The following FER variants were observed in gnomAD, a reference collection of about 807,000 sequenced individuals.
FER encodes the protein FER tyrosine kinase, also known as tyrosine-protein kinase Fer.
In FER, 63 loss-of-function variants were observed where a neutral mutation model predicts 111.0. That is an observed-to-expected ratio of 0.57 (90% CI 0.46 to 0.70). The LOEUF is 0.70. FER is among the 30% of genes least tolerant of loss of function. The pLI is 0.00. For missense variants in FER, 914 were observed against 954.0 expected (o/e 0.96, Z 0.55); for synonymous variants, 327 against 313.9 (o/e 1.04, Z -0.44).
At chr5:109,163,451 A>G (rs1033872935) in intron 17 of FER, among the ~76,000 whole-genome samples, 1 of 152,144 alleles carries the variant, frequency 6.6e-6, no homozygotes, top group Non-Finnish European at 1.5e-5. Flanking sequence ...TAGCTTTATA[A>G]GAAACTACAA....
intron 7 of FER, among the ~76,000 whole-genome samples, chr5:108,871,759 GA>G (rs1764622188): frequency 6.6e-6 from 1 of 150,396 alleles, no homozygotes; most frequent in African/African-American, 2.5e-5. Context: ...TTTAATCCAT[GA>G]AATTTTTTTT....
intron 13 of FER, among the ~76,000 whole-genome samples, chr5:109,005,369 G>A (rs7732787): frequency 0.05 from 6,111 of 121,916 alleles, 400 homozygotes; most frequent in African/African-American, 0.17. Flanking sequence ...AAACTATCCC[G>A]TGTGTGTGTG....
At chr5:109,069,527 G>A (rs776566639) in intron 16 of FER, among the ~76,000 whole-genome samples, 1 of 152,104 alleles carries the variant, frequency 6.6e-6, no homozygotes, top group African/African-American at 2.4e-5. Context: ...AAATAAGTTG[G>A]CTGCATTGTC....
At chr5:109,023,428 C>T (rs1413679398) in intron 13 of FER, among the ~76,000 whole-genome samples, 2 of 152,106 alleles carry the variant, frequency 1.3e-5, no homozygotes, top group East Asian at 1.9e-4. Flanking sequence ...CACTTGGATA[C>T]GTCCAAGTTG....
At chr5:109,029,541 G>A (rs1029906663) in intron 13 of FER, among the ~76,000 whole-genome samples, 7 of 150,812 alleles carry the variant, frequency 4.6e-5, no homozygotes, top group Non-Finnish European at 1.0e-4. Flanking sequence ...CAAAGTGCTA[G>A]GGTGAGCCAC....
intron 5 of FER, among the ~76,000 whole-genome samples, chr5:108,846,768 A>G (rs1191271005): frequency 1.3e-5 from 2 of 151,934 alleles, no homozygotes; most frequent in Non-Finnish European, 2.9e-5. Flanking sequence ...TATTTTTAGT[A>G]GAGACGAGGT....
chr5:109,121,971 G>A (rs966654522), intron 17 of FER, among the ~76,000 whole-genome samples: 5 of 151,050 alleles, frequency 3.3e-5, no homozygotes. Context: ...TTTTATTTGT[G>A]TCTTCTCTTT....
intron 9 of FER, chr5:108,891,656 G>GTTTTTTTTTTTTTTTTTT (rs566904440): frequency 7.1e-6 from 1 of 141,480 alleles, no homozygotes; most frequent in Non-Finnish European, 1.6e-5. Flanking sequence ...TCTTTTGTTT[G>GTTTTTTTTTTTTTTTTTT]TTTTTTTTTT....
chr5:108,755,610 C>T (rs539369630), intron 1 of FER, among the ~76,000 whole-genome samples: 2 of 151,996 alleles, frequency 1.3e-5, no homozygotes, highest in East Asian at 2.0e-4. Context: ...CTCAGCCTCC[C>T]GAGTAGCTGG....
At position 108,774,935 on chromosome 5, in the gene FER, G is replaced by T. The variant is rs939082258; in HGVS notation, c.-60+6697G>T. 2.6e-5 allele frequency among the ~76,000 whole-genome samples: 4 copies of T among 152,162 alleles called. No individual in the cohort carries two copies. In the South Asian group the frequency reaches 6.2e-4, roughly 24 times the overall value. ...GTCAATTTTGGCTTTTGTTGCAATTGTTTTTGGCATTTTCATCATGAAGTC... is the reference window on the plus strand; with the variant it reads ...GTCAATTTTGGCTTTTGTTGCAATTTTTTTTGGCATTTTCATCATGAAGTC... On this transcript the variant is annotated intron_variant, in intron 2 of 19. Transcript: ENST00000281092.
At chr5:108,897,174 T>C (rs1020353077) in intron 9 of FER, among the ~76,000 whole-genome samples, 190 of 152,290 alleles carry the variant, frequency 1.2e-3, no homozygotes, top group Non-Finnish European at 1.4e-3. Context: ...CATAGTAGTT[T>C]CACTTGCCGC....
Position 108,958,000 on chromosome 5 carries a change from A to G in FER, c.1534-1225A>G, listed in dbSNP as rs571540438. Among the ~76,000 whole-genome samples, 13 of 151,812 alleles carry G rather than the reference A, an allele frequency of 8.6e-5. 1 individual carries two copies. Among genetic ancestry groups the G allele is most frequent in the African/African-American group, 3.1e-4 (13 of 41,540 alleles). On this transcript the variant is annotated intron_variant, in intron 12 of 19. Transcript: ENST00000281092. ...CATAGGAGGTCTGCCTACTATGTAC[A>G]AAAGTTCTTTAGGCAGTGAATTAAC... is the stretch of plus-strand genomic sequence containing the variant.
intron 17 of FER, among the ~76,000 whole-genome samples, chr5:109,163,600 T>C (rs1286411436): frequency 6.6e-6 from 1 of 152,082 alleles, no homozygotes; most frequent in Non-Finnish European, 1.5e-5. Context: ...TGCAGTGATA[T>C]CTCATTGTGG....
chr5:109,020,450 T>G (rs1322540246), intron 13 of FER, among the ~76,000 whole-genome samples: 1 of 152,008 alleles, frequency 6.6e-6, no homozygotes, highest in African/African-American at 2.4e-5. Flanking sequence ...AACATCCTTT[T>G]CATTCTTTGT....
chr5:108,802,376 A>G (rs889253609), intron 3 of FER, among the ~76,000 whole-genome samples: 1 of 152,298 alleles, frequency 6.6e-6, no homozygotes. Context: ...CTTTTATTTT[A>G]GATTCCGGGG....
chr5:108,773,120 C>G (rs1753104618), intron 2 of FER, among the ~76,000 whole-genome samples: 2 of 152,036 alleles, frequency 1.3e-5, no homozygotes, highest in South Asian at 2.1e-4. Context: ...AAATTTGGAA[C>G]GAGTGTAGCT....
chr5:108,755,115 A>G (rs1012444213), intron 1 of FER, among the ~76,000 whole-genome samples: 6 of 152,226 alleles, frequency 3.9e-5, no homozygotes, highest in African/African-American at 1.2e-4. Context: ...CATTAAAGCT[A>G]TTAATTTTTT....
intron 3 of FER, among the ~76,000 whole-genome samples, chr5:108,828,057 A>G (rs1759657782): frequency 1.3e-5 from 2 of 151,828 alleles, no homozygotes; most frequent in South Asian, 4.2e-4. Context: ...TTTTGTAGAG[A>G]CACTGTCTTG....
At chr5:108,946,393 A>G (rs1292050776) in intron 11 of FER, among the ~76,000 whole-genome samples, 171 bp downstream of exon 11, 1 of 151,900 alleles carries the variant, frequency 6.6e-6, no homozygotes, top group African/African-American at 2.4e-5. Context: ...TTTTGTGTGC[A>G]TATGAATCTG....
Sources: allele counts gnomAD v4.1 joint callset (sites outside exome capture counted in the v4.1 genomes callset), GRCh38; gene constraint gnomAD v4.1.1; transcripts MANE v1.5; gene names NCBI Gene and HGNC (gene_info 2026-07-23, HGNC 2026-07-21).